The following PARD3B variants were observed in gnomAD, a reference collection of about 807,000 sequenced individuals.
PARD3B encodes the protein partitioning defective 3 homolog B.
A neutral mutation model predicts 130.2 loss-of-function variants in PARD3B; 103 were observed. The ratio of observed to expected loss-of-function variants is 0.79; its 90% CI spans 0.67 to 0.93. The LOEUF is 0.93. Among genes scored for constraint, PARD3B ranks in the 40% least tolerant of loss-of-function variants. The probability of loss-of-function intolerance (pLI) is 0.00; values close to 1 mark genes in which losing one functional copy is unlikely to be tolerated. For synonymous variants in PARD3B, 583 were observed against 553.2 expected (o/e 1.05, Z -0.76); for missense variants, 1,609 against 1,499.2 (o/e 1.07, Z -1.21).
chr2:205,020,461 G>A lies in PARD3B; in HGVS notation c.395-27120G>A, dbSNP rs564182370. Among the ~76,000 whole-genome samples the A allele has an allele frequency of 3.9e-5, 6 of 152,180 alleles. No individual in the cohort carries two copies. The South Asian group carries it at 1.2e-3, about 32-fold the overall frequency. On this transcript the variant is annotated intron_variant, in intron 3 of 22. Coordinates refer to ENST00000406610, the MANE Select transcript of PARD3B (RefSeq NM_001302769.2). The stretch of plus-strand genomic sequence containing the variant: ...AGTGCATCTTTGTTGAGTTAAATAA[G>A]AGGGTTATTCTTCTGTTCCATCTAA...
intron 20 of PARD3B, among the ~76,000 whole-genome samples, chr2:205,467,667 A>G (rs940616568): frequency 6.6e-6 from 1 of 152,164 alleles, no homozygotes; most frequent in Non-Finnish European, 1.5e-5. Context: ...GTGTTCAGTA[A>G]TCAGAAGTGG....
chr2:204,938,984 G>A (rs2216851), intron 2 of PARD3B, among the ~76,000 whole-genome samples: 63,089 of 151,942 alleles, frequency 0.42, 14,123 homozygotes, highest in East Asian at 0.72. Context: ...ACAGCTCCAG[G>A]ACTATTCCAT....
At chr2:204,554,723 T>C (rs918217179) in intron 1 of PARD3B, among the ~76,000 whole-genome samples, 10 of 152,102 alleles carry the variant, frequency 6.6e-5, no homozygotes, top group Admixed American at 2.0e-4. Context: ...AATCAGGTCA[T>C]GTCATTCTTC....
intron 16 of PARD3B, among the ~76,000 whole-genome samples, chr2:205,251,272 T>C (rs1240856407): frequency 6.6e-6 from 1 of 152,166 alleles, no homozygotes; most frequent in Non-Finnish European, 1.5e-5. Flanking sequence ...CATGTGTACA[T>C]GTACAGGAGT....
At position 205,619,278 on chromosome 2, in the gene PARD3B, C is replaced by T. The variant is rs558068831; in HGVS notation, c.*3465C>T. ...CAAGCCTATAAAAAAGTAATTATTT[C>T]CCCAAACCTGTAACCACTGCATTCG... is the stretch of plus-strand genomic sequence containing the variant. On this transcript the variant is annotated 3_prime_UTR_variant, in exon 23 of 23. Transcript: ENST00000406610. 2.8e-4 allele frequency: 42 copies of T among 152,178 alleles called. No homozygotes were observed. Among genetic ancestry groups the T allele is most frequent in the Non-Finnish European group, 4.8e-4 (33 of 68,044 alleles). 9.4% of individuals were successfully genotyped at this position (152,178 alleles called of 1,614,324 possible). A position where few individuals can be genotyped will look rare whatever the true frequency, so the allele number is the denominator to read the frequency against.
chr2:204,824,259 T>TGGAGA (rs547059518), intron 2 of PARD3B, among the ~76,000 whole-genome samples: 3 of 152,166 alleles, frequency 2.0e-5, no homozygotes, highest in South Asian at 4.1e-4. Context: ...ACAAGTACAC[T>TGGAGA]GGAGAGGAGA....
chr2:204,944,989 G>A (rs761686229), intron 2 of PARD3B, among the ~76,000 whole-genome samples: 5 of 152,316 alleles, frequency 3.3e-5, no homozygotes, highest in Non-Finnish European at 7.3e-5. Context: ...ATCTTTTGTT[G>A]GGAATATCCT....
chr2:204,598,617 G>A (rs1441859727), intron 1 of PARD3B, among the ~76,000 whole-genome samples: 5 of 152,060 alleles, frequency 3.3e-5, no homozygotes, highest in Non-Finnish European at 5.9e-5. Flanking sequence ...TAAATTAAAT[G>A]TGTATGTATG....
At chr2:204,817,448 A>G (rs2043186532) in intron 2 of PARD3B, among the ~76,000 whole-genome samples, 2 of 152,078 alleles carry the variant, frequency 1.3e-5, no homozygotes, top group South Asian at 4.1e-4. Context: ...ACTACCCACT[A>G]CTGAGCCAAT....
intron 19 of PARD3B, among the ~76,000 whole-genome samples, chr2:205,401,632 C>T (rs895181156): frequency 1.3e-5 from 2 of 152,082 alleles, no homozygotes; most frequent in African/African-American, 4.8e-5. Flanking sequence ...GTTAAAGGGC[C>T]GGCTTCATTT....
intron 2 of PARD3B, among the ~76,000 whole-genome samples, chr2:204,877,406 A>T (rs28676310): frequency 0.03 from 4,574 of 152,186 alleles, 100 homozygotes; most frequent in Middle Eastern, 0.054. Flanking sequence ...TAAAAAAATT[A>T]AAAAAAAGAA....
At chr2:205,290,132 A>G (rs555409867) in intron 16 of PARD3B, among the ~76,000 whole-genome samples, 4 of 152,332 alleles carry the variant, frequency 2.6e-5, no homozygotes, top group African/African-American at 9.6e-5. Flanking sequence ...TAACATGGCT[A>G]CCATTGGAAA....
intron 3 of PARD3B, among the ~76,000 whole-genome samples, chr2:205,038,102 G>A (rs1042022736): frequency 3.3e-5 from 5 of 152,082 alleles, no homozygotes; most frequent in Admixed American, 6.6e-5. Context: ...ACATTTTTAG[G>A]TGATGGCAGG....
At chr2:204,674,273 C>T (rs752191606) in intron 1 of PARD3B, among the ~76,000 whole-genome samples, 6 of 152,054 alleles carry the variant, frequency 3.9e-5, no homozygotes, top group Admixed American at 1.3e-4. Flanking sequence ...TTAGTTAGGT[C>T]GAGAAATTTC....
At chr2:205,101,339 A>T (rs1397688309) in intron 4 of PARD3B, among the ~76,000 whole-genome samples, 1 of 152,236 alleles carries the variant, frequency 6.6e-6, no homozygotes, top group African/African-American at 2.4e-5. Flanking sequence ...TGGAGATTTT[A>T]TACCCATTAG....
chr2:204,711,734 G>A (rs1353271733), intron 2 of PARD3B, among the ~76,000 whole-genome samples: 1 of 152,004 alleles, frequency 6.6e-6, no homozygotes, highest in East Asian at 1.9e-4. Flanking sequence ...TTTCAGTAGA[G>A]ATGGGGTTTC....
chr2:204,639,759 A>G (rs1266506896), intron 1 of PARD3B, among the ~76,000 whole-genome samples: 1 of 152,210 alleles, frequency 6.6e-6, no homozygotes, highest in East Asian at 1.9e-4. Context: ...TTTAGGGACA[A>G]CTATATAATT....
rs1250351477 is a variant in PARD3B, at chr2:204,546,586, C to T, written c.120+467C>T. 3.3e-5 allele frequency among the ~76,000 whole-genome samples: 5 copies of T among 152,280 alleles called. No homozygotes were observed. The East Asian group carries it at 9.7e-4, about 29-fold the overall frequency. On this transcript the variant is annotated intron_variant, in intron 1 of 22. Coordinates refer to ENST00000406610, the MANE Select transcript of PARD3B (RefSeq NM_001302769.2). ...AAGTTGATTGTGCAAGTGACACATA[C>T]TCGGAAGTTACAACTGATGGGGCCT...
intron 10 of PARD3B, among the ~76,000 whole-genome samples, chr2:205,156,803 C>A (rs1201750880): frequency 1.3e-5 from 2 of 152,020 alleles, no homozygotes; most frequent in Non-Finnish European, 2.9e-5. Context: ...ATTCTTGAAT[C>A]TCAGATGTCA....
Sources: gnomAD v4.1 joint callset for allele counts (sites outside exome capture counted in the v4.1 genomes callset) on GRCh38, gnomAD v4.1.1 for gene constraint, MANE v1.5 for transcripts, NCBI Gene and HGNC (gene_info 2026-07-23, HGNC 2026-07-21) for gene names.